PDZRN3: variants seen among roughly 807,000 people sequenced by gnomAD.
The protein encoded by PDZRN3 is E3 ubiquitin-protein ligase PDZRN3.
In PDZRN3, 38 loss-of-function variants were observed where a neutral mutation model predicts 85.7. The ratio of observed to expected loss-of-function variants is 0.44; its 90% CI spans 0.34 to 0.58. PDZRN3 has a LOEUF of 0.58. Among genes scored for constraint, PDZRN3 ranks in the 20% least tolerant of loss-of-function variants. PDZRN3 has a pLI of 0.01. For missense variants in PDZRN3, 1,629 were observed against 1,506.4 expected (o/e 1.08, Z -1.35); for synonymous variants, 759 against 638.0 (o/e 1.19, Z -2.86).
chr3:73,624,828 TG>T lies in PDZRN3; in HGVS notation c.-4del. 1 of 1,312,282 alleles carries T rather than the reference TG, an allele frequency of 7.6e-7. No individual in the cohort carries two copies. Among genetic ancestry groups the T allele is most frequent in the Non-Finnish European group, 9.7e-7 (1 of 1,033,518 alleles). 81.3% of individuals were successfully genotyped at this position (1,312,282 alleles called of 1,614,324 possible). On this transcript the variant is annotated 5_prime_UTR_variant, in exon 1 of 10. Transcript: ENST00000263666. ...AAGCGGTCCAGCTCGAAGCCCATGG[TG>T]GCGGCCAGGCCCCGGGGTCGCCGCC... is the stretch of plus-strand genomic sequence containing the variant.
chr3:73,567,354 G>C (rs1025105405), intron 3 of PDZRN3, among the ~76,000 whole-genome samples: 6 of 152,038 alleles, frequency 3.9e-5, no homozygotes, highest in Non-Finnish European at 8.8e-5. Context: ...GTGAATATGA[G>C]AATGATCTAA....
intron 3 of PDZRN3, among the ~76,000 whole-genome samples, chr3:73,547,430 T>C (rs1358812686): frequency 6.6e-6 from 1 of 152,226 alleles, no homozygotes; most frequent in African/African-American, 2.4e-5. Flanking sequence ...TAGAAGTCCC[T>C]GATGCATAGG....
chr3:73,467,558 G>T (rs1182500788), intron 3 of PDZRN3, among the ~76,000 whole-genome samples: 3 of 152,144 alleles, frequency 2.0e-5, no homozygotes, highest in African/African-American at 7.2e-5. Context: ...AAGAGGGTTT[G>T]GCTTTATCAA....
chr3:73,569,145 C>T (rs1702002956), intron 3 of PDZRN3: 1 of 1,286,538 alleles, frequency 7.8e-7, no homozygotes, highest in Non-Finnish European at 1.0e-6. Context: ...CATCACATTG[C>T]CTCACCTGGT....
At chr3:73,431,400 TAA>T (rs1702428399) in intron 3 of PDZRN3, among the ~76,000 whole-genome samples, 1 of 152,200 alleles carries the variant, frequency 6.6e-6, no homozygotes, top group South Asian at 2.1e-4. Context: ...GAGGAAAGGA[TAA>T]AGTCTGAGCC....
At chr3:73,467,809 A>G (rs1703250814) in intron 3 of PDZRN3, among the ~76,000 whole-genome samples, 1 of 152,140 alleles carries the variant, frequency 6.6e-6, no homozygotes, top group Admixed American at 6.6e-5. Context: ...GTTTTCATGG[A>G]AAATATAGTT....
intron 3 of PDZRN3, among the ~76,000 whole-genome samples, chr3:73,474,111 C>A (rs893546360): frequency 6.6e-6 from 1 of 152,206 alleles, no homozygotes; most frequent in African/African-American, 2.4e-5. Flanking sequence ...TGCTTCTAAA[C>A]CATTCCTTTA....
At chr3:73,449,737 G>A (rs2106839336) in intron 3 of PDZRN3, among the ~76,000 whole-genome samples, 1 of 152,342 alleles carries the variant, frequency 6.6e-6, no homozygotes, top group South Asian at 2.1e-4. Context: ...CAGTTAAACT[G>A]TAATAAGTGG....
intron 3 of PDZRN3, among the ~76,000 whole-genome samples, chr3:73,454,520 G>A (rs1448015565): frequency 4.6e-5 from 7 of 152,182 alleles, no homozygotes; most frequent in African/African-American, 2.4e-5. Context: ...AGGACGACAC[G>A]TAACCTATCC....
At position 73,565,375 on chromosome 3, in the gene PDZRN3, G is replaced by A. The variant is rs1041876879; in HGVS notation, c.918+36979C>T. On this transcript the variant is annotated intron_variant, in intron 3 of 9. Transcript: ENST00000263666. ...GAACTCCTGACCTTGTGATCCGCCC[G>A]CCTTGGCCTCCCAAAATGCTGGGAT... Among the ~76,000 whole-genome samples, 9 of 151,914 alleles carry A rather than the reference G, an allele frequency of 5.9e-5. No homozygotes were observed. The East Asian group carries it at 7.8e-4, about 13-fold the overall frequency.
chr3:73,384,298 G>A lies in PDZRN3; in HGVS notation c.2268C>T (p.Ser756=), dbSNP rs578219500. The change falls in exon 10 of 10, where the codon AGC becomes AGT. Residue 756 remains serine (S), a synonymous_variant. Coordinates refer to ENST00000263666, the MANE Select transcript of PDZRN3 (RefSeq NM_015009.3). ...LPEKSDKDSS[S]AYNTGESCRS... ...GGCAGCTCTCGCCTGTGTTGTAGGC[G>A]CTCGAGCTGTCCTTGTCGGATTTCT... The A allele has an allele frequency of 4.3e-6, 7 of 1,612,524 alleles. No homozygotes were observed. The highest frequency in any genetic ancestry group is 4.5e-5 in the East Asian group (2 of 44,870).
At position 73,467,669 on chromosome 3, in the gene PDZRN3, C is replaced by T. The variant is rs567391333; in HGVS notation, c.919-63274G>A. Among the ~76,000 whole-genome samples, 19 of 152,304 alleles carry T rather than the reference C, an allele frequency of 1.2e-4. No homozygotes were observed. In the South Asian group the frequency reaches 2.9e-3, roughly 23 times the overall value. On this transcript the variant is annotated intron_variant, in intron 3 of 9. Transcript: ENST00000263666. ...GCTAATCTCAGTGGGAGATAAGAAC[C>T]TCAGAGTGTCACACAGTAGAACTCA...
At chr3:73,515,299 C>T (rs946691464) in intron 3 of PDZRN3, among the ~76,000 whole-genome samples, 7 of 151,684 alleles carry the variant, frequency 4.6e-5, no homozygotes, top group Non-Finnish European at 5.9e-5. Context: ...CCTCAGCCTC[C>T]GAAGTAGCTG....
intron 3 of PDZRN3, among the ~76,000 whole-genome samples, chr3:73,597,627 A>G (rs1017504962): frequency 6.6e-6 from 1 of 152,094 alleles, no homozygotes; most frequent in Non-Finnish European, 1.5e-5. Flanking sequence ...TCTCCAAGCC[A>G]TATGGCTTGA....
Position 73,388,105 on chromosome 3 carries a change from A to G in PDZRN3, c.1417-36T>C, listed in dbSNP as rs762577618. ...AAAAGGGGGGGTGGGGAGAGTGGGG[A>G]GACAAATAGCATGATTAGATGGTGC... On this transcript the variant is annotated intron_variant, in intron 7 of 9. Transcript: ENST00000263666. 48 of 992,250 alleles carry G rather than the reference A, an allele frequency of 4.8e-5. No individual in the cohort carries two copies. In the Admixed American group the frequency reaches 7.0e-4, roughly 14 times the overall value. The allele number at this position is 992,250 out of a possible 1,614,324, so 61.5% of individuals were successfully genotyped here. A position where few individuals can be genotyped will look rare whatever the true frequency, so the allele number is the denominator to read the frequency against.
At chr3:73,469,105 A>C (rs58397552) in intron 3 of PDZRN3, among the ~76,000 whole-genome samples, 1 of 148,836 alleles carries the variant, frequency 6.7e-6, no homozygotes, top group East Asian at 2.0e-4. Flanking sequence ...ATGAAGTCTC[A>C]CTCTGTCACC....
At chr3:73,471,625 C>A (rs113874582) in intron 3 of PDZRN3, among the ~76,000 whole-genome samples, 1 of 152,178 alleles carries the variant, frequency 6.6e-6, no homozygotes, top group Non-Finnish European at 1.5e-5. Context: ...CAGCTGGGCC[C>A]AGTCAGCCTT....
At chr3:73,397,944 A>G (rs1003689196) in intron 5 of PDZRN3, among the ~76,000 whole-genome samples, 6 of 152,188 alleles carry the variant, frequency 3.9e-5, no homozygotes, top group African/African-American at 1.4e-4. Flanking sequence ...CTAATGTCTA[A>G]TGGTCCTAAT....
intron 3 of PDZRN3, among the ~76,000 whole-genome samples, chr3:73,596,503 G>A (rs373068688): frequency 2.0e-5 from 3 of 152,282 alleles, no homozygotes; most frequent in African/African-American, 7.2e-5. Flanking sequence ...AGAGAGATAC[G>A]ACTTTAACCA....
Sources: gnomAD v4.1 joint callset for allele counts (sites outside exome capture counted in the v4.1 genomes callset) on GRCh38, gnomAD v4.1.1 for gene constraint, MANE v1.5 for transcripts, NCBI Gene and HGNC (gene_info 2026-07-23, HGNC 2026-07-21) for gene names.